The following DYRK4 variants were observed in gnomAD, a reference collection of about 807,000 sequenced individuals.
DYRK4 encodes the protein dual specificity tyrosine-phosphorylation-regulated kinase 4.
In DYRK4, 64 loss-of-function variants were observed where a neutral mutation model predicts 68.3. The observed-to-expected ratio is 0.94, with a 90% CI of 0.77 to 1.15. DYRK4 has a LOEUF of 1.15. DYRK4 is among the 50% of genes most tolerant of loss of function. The probability of loss-of-function intolerance (pLI) is 0.00; values close to 1 mark genes in which losing one functional copy is unlikely to be tolerated. For missense variants in DYRK4, 740 were observed against 764.7 expected, an observed-to-expected ratio of 0.97 and a Z score of 0.38; for synonymous variants, 274 against 289.9, an observed-to-expected ratio of 0.95 and a Z score of 0.56.
At chr12:4,594,607 T>C (rs1306233435) in intron 6 of DYRK4, among the ~76,000 whole-genome samples, 2 of 152,058 alleles carry the variant, frequency 1.3e-5, no homozygotes, top group Non-Finnish European at 2.9e-5. Context: ...TGCTCCACCC[T>C]AGCTGAGCCT....
In DYRK4 at chr12:4,605,228, T is replaced by C. The variant is rs183424913; in HGVS notation, c.1299+142T>C. On this transcript the variant is annotated intron_variant, in intron 11 of 14. Transcript: ENST00000543431. ...GTTGAGTATTCCCTAAAAGGAGTTT[T>C]GAAATTGTGTACTCCCTTGTACTTG... 1,881 of 669,212 alleles carry C rather than the reference T, an allele frequency of 2.8e-3. 4 individuals carry two copies. The highest frequency in any genetic ancestry group is 3.7e-3 in the Non-Finnish European group (1,527 of 415,700). 41.5% of individuals were successfully genotyped at this position (669,212 alleles called of 1,614,324 possible). A position where few individuals can be genotyped will look rare whatever the true frequency, so the allele number is the denominator to read the frequency against.
chr12:4,573,005 C>A, intron 2 of DYRK4: 1 of 282,318 alleles, frequency 3.5e-6, no homozygotes, highest in Non-Finnish European at 6.9e-6. Flanking sequence ...TGGTGTTGGG[C>A]AAAGGAATGG....
In DYRK4 at chr12:4,613,698, G is replaced by T; in HGVS notation, c.1850G>T (p.Gly617Val). ...GCGGAGGTGTCCATGACCTCCCCAG[G>T]ACAGAGCAAAAACTTCTCCCTCAAG... Reference protein sequence around the residue: ...VGAEVSMTSPGQSKNFSLKNT... With the variant: ...VGAEVSMTSPVQSKNFSLKNT... Residue 617 changes from glycine to valine, a missense_variant, in exon 15 of 15, where the codon GGA becomes GTA. Gly to Val is a moderately radical substitution (Grantham distance 109, BLOSUM62 -3). Transcript: ENST00000543431. The surrounding 1 kb of genome is among the most constrained non-coding windows in gnomAD (Gnocchi z 4.0). 1 of 1,593,174 alleles carries T rather than the reference G, an allele frequency of 6.3e-7. No individual in the cohort carries two copies. The highest frequency in any genetic ancestry group is 8.6e-7 in the Non-Finnish European group (1 of 1,163,788).
At chr12:4,609,098 C>T (rs1456862458) in intron 12 of DYRK4, among the ~76,000 whole-genome samples, 2 of 152,116 alleles carry the variant, frequency 1.3e-5, no homozygotes, top group South Asian at 2.1e-4. Flanking sequence ...TTCGTAGGAA[C>T]GTACTAAAGA....
intron 6 of DYRK4, among the ~76,000 whole-genome samples, chr12:4,595,237 TG>T (rs1945004007): frequency 6.6e-6 from 1 of 152,212 alleles, no homozygotes; most frequent in South Asian, 2.1e-4. Context: ...TCCTCCTGTA[TG>T]AACAGACCCC....
At position 4,613,148 on chromosome 12, in the gene DYRK4, T is replaced by C. The variant is rs1945246434; in HGVS notation, c.1667-367T>C. ...TTCTGTCAGTGCCAGATTATGGCAT[T>C]ATGCAAATTTTTATATGCAATATAG... On this transcript the variant is annotated intron_variant, in intron 14 of 14. Transcript: ENST00000543431. This position sits in a 1 kb window ranked among gnomAD's most constrained non-coding sequence, Gnocchi z 4.0. Among the ~76,000 whole-genome samples the C allele has an allele frequency of 1.3e-5, 2 of 152,226 alleles. No homozygotes were observed. Among genetic ancestry groups the C allele is most frequent in the Non-Finnish European group, 2.9e-5 (2 of 68,044 alleles).
rs771528443 is a variant in DYRK4 at position 4,604,935 on chromosome 12, G to A, written c.1148G>A (p.Arg383Gln). 1 of 1,610,750 alleles carries A rather than the reference G, an allele frequency of 6.2e-7. No homozygotes were observed. Residue 383 changes from arginine (R) to glutamine (Q), a missense_variant, in exon 11 of 15, where the codon CGG becomes CAG. By Grantham distance (43) the Arg-to-Gln change is conservative. Coordinates refer to ENST00000543431, the MANE Select transcript of DYRK4 (RefSeq NM_001394779.1). ...GCAGTATACACGTACATCCAAAGCC[G>A]GTTCTACCGATCCCCAGAAGTGATC... is the stretch of plus-strand genomic sequence containing the variant. ...HQKVYTYIQS[R>Q]FYRSPEVILG... is the part of the protein sequence containing the mutation.
chr12:4,571,604 T>G (rs934102484), intron 2 of DYRK4, among the ~76,000 whole-genome samples: 2 of 152,082 alleles, frequency 1.3e-5, no homozygotes, highest in Admixed American at 6.5e-5. Context: ...TTATTGTATT[T>G]TATTTTATTT....
At position 4,596,718 on chromosome 12, in the gene DYRK4, T is replaced by G. The variant is rs1169688181; in HGVS notation, c.894T>G (p.Phe298Leu). ...TTCGCAATCACTTCTGCATCACCTT[T>G]GAGCTCCTGGGGTCAGCTGCCTTTT... ...FYFRNHFCIT[F>L]ELLGINLYEL... Residue 298 changes from phenylalanine to leucine, a missense_variant, in exon 8 of 15, where the codon TTT becomes TTG. Phe to Leu is a conservative substitution (Grantham distance 22). Coordinates refer to ENST00000543431, the MANE Select transcript of DYRK4 (RefSeq NM_001394779.1). 1.2e-6 allele frequency: 2 copies of G among 1,613,944 alleles called. No individual in the cohort carries two copies. The highest frequency in any genetic ancestry group is 1.3e-5 in the African/African-American group (1 of 74,938).
chr12:4,563,994 G>A (rs2137312315), intron 1 of DYRK4, among the ~76,000 whole-genome samples: 1 of 152,308 alleles, frequency 6.6e-6, no homozygotes, highest in Non-Finnish European at 1.5e-5. Flanking sequence ...GTGATTGCCA[G>A]GAATACCATA....
chr12:4,608,728 T>C (rs1193290789), intron 12 of DYRK4, among the ~76,000 whole-genome samples: 1 of 152,196 alleles, frequency 6.6e-6, no homozygotes, highest in Non-Finnish European at 1.5e-5. Flanking sequence ...GATTAGTTGG[T>C]TCCATGCCAT....
At chr12:4,572,485 C>T (rs970736409) in intron 2 of DYRK4, among the ~76,000 whole-genome samples, 3 of 152,132 alleles carry the variant, frequency 2.0e-5, no homozygotes, top group South Asian at 2.1e-4. Context: ...TTAGTAGAGA[C>T]GGAGTTTCAC....
At chr12:4,596,365 TG>T in intron 7 of DYRK4, 80 bp downstream of exon 7, 1 of 1,589,510 alleles carries the variant, frequency 6.3e-7, no homozygotes, top group South Asian at 1.1e-5. Context: ...CCTTCCTGAC[TG>T]TGCCTCTCCC....
chr12:4,599,238 A>G lies in DYRK4; in HGVS notation c.1044+72A>G, dbSNP rs1945052408. 6 of 1,463,614 alleles carry G rather than the reference A, an allele frequency of 4.1e-6. No individual in the cohort carries two copies. In the South Asian group the frequency reaches 6.2e-5, roughly 15 times the overall value. 90.7% of individuals were successfully genotyped at this position (1,463,614 alleles called of 1,614,324 possible). ...ATTCTATTCCCCAGGCCGTGTAACA[A>G]TCACAAACTCCAATCAAATAATTGC... On this transcript the variant is annotated intron_variant, in intron 9 of 14. Coordinates refer to ENST00000543431, the MANE Select transcript of DYRK4 (RefSeq NM_001394779.1).
chr12:4,613,867 A>G lies in DYRK4; in HGVS notation c.*114A>G. On this transcript the variant is annotated 3_prime_UTR_variant, in exon 15 of 15. Transcript: ENST00000543431. The surrounding 1 kb of genome is among the most constrained non-coding windows in gnomAD (Gnocchi z 4.0). ...TTAAATACATAAAACTTTATGTTAA[A>G]AAACTCTATTAACATGGCCAATTGG... The G allele has an allele frequency of 7.6e-7, 1 of 1,313,546 alleles. No individual in the cohort carries two copies. The allele number at this position is 1,313,546 out of a possible 1,614,324, so 81.4% of individuals were successfully genotyped here.
intron 2 of DYRK4, among the ~76,000 whole-genome samples, chr12:4,576,759 A>G (rs1369567321): frequency 6.6e-6 from 1 of 152,244 alleles, no homozygotes; most frequent in Admixed American, 6.5e-5. Context: ...GCCTAATAAC[A>G]TAATATTGAG....
At chr12:4,574,781 G>A (rs554083995) in intron 2 of DYRK4, among the ~76,000 whole-genome samples, 165 of 152,252 alleles carry the variant, frequency 1.1e-3, no homozygotes, top group African/African-American at 3.6e-3. Context: ...GCAGTGGTGC[G>A]ATCTCGGCTC....
At chr12:4,594,548 C>T (rs1944994721) in intron 6 of DYRK4, among the ~76,000 whole-genome samples, 1 of 152,122 alleles carries the variant, frequency 6.6e-6, no homozygotes. Flanking sequence ...TAAATCTTAA[C>T]TCTGATTCAG....
chr12:4,590,623 T>A, intron 4 of DYRK4, 183 bp downstream of exon 4: 2 of 1,285,804 alleles, frequency 1.6e-6, no homozygotes, highest in Non-Finnish European at 2.0e-6. Context: ...CTTGACCTTT[T>A]CTTAGCTACA....
Sources: allele counts gnomAD v4.1 joint callset (sites outside exome capture counted in the v4.1 genomes callset), GRCh38; gene constraint gnomAD v4.1.1; non-coding constraint Gnocchi (gnomAD v3.1); transcripts MANE v1.5; gene names NCBI Gene and HGNC (gene_info 2026-07-23, HGNC 2026-07-21).